The following FSD1L variants were observed in gnomAD, a reference collection of about 807,000 sequenced individuals.
FSD1L encodes the protein fibronectin type III and SPRY domain containing 1 like.
Under a neutral mutation model 71.6 loss-of-function variants are expected in FSD1L, and 45 were observed. The observed-to-expected ratio is 0.63, with a 90% CI of 0.49 to 0.81. The LOEUF is 0.81. FSD1L is among the 30% of genes least tolerant of loss of function. The pLI is 0.00. For synonymous variants in FSD1L, 197 were observed against 207.2 expected (o/e 0.95, Z 0.42); for missense variants, 561 against 618.1 (o/e 0.91, Z 0.98).
At chr9:105,459,186 C>T (rs1830539421) in intron 1 of FSD1L, among the ~76,000 whole-genome samples, 1 of 152,208 alleles carries the variant, frequency 6.6e-6, no homozygotes, top group African/African-American at 2.4e-5. Flanking sequence ...CTTTATGTCA[C>T]ATATGCAAGC....
chr9:105,504,468 G>A (rs1564120935), intron 7 of FSD1L, among the ~76,000 whole-genome samples: 1 of 152,040 alleles, frequency 6.6e-6, no homozygotes, highest in Non-Finnish European at 1.5e-5. Flanking sequence ...TTTCCATCTT[G>A]GTGTTATTTT....
At chr9:105,481,141 C>CTGTGTG (rs376069658) in intron 6 of FSD1L, among the ~76,000 whole-genome samples, 5,366 of 81,476 alleles carry the variant, frequency 0.066, 347 homozygotes, top group African/African-American at 0.098. Context: ...CAGGCAAACT[C>CTGTGTG]TGTGTGTGTG....
chr9:105,546,507 C>G lies in FSD1L; in HGVS notation c.*24C>G. On this transcript the variant is annotated 3_prime_UTR_variant, in exon 14 of 14. Transcript: ENST00000481272. Reference sequence around the variant, plus strand: ...AGTGTCTACTCAGAATACGTTTACCCTCCGTCTTGATTAGGTGGCCTTTTC... The same window carrying G: ...AGTGTCTACTCAGAATACGTTTACCGTCCGTCTTGATTAGGTGGCCTTTTC... 1 of 1,510,314 alleles carries G rather than the reference C, an allele frequency of 6.6e-7. No individual in the cohort carries two copies. The highest frequency in any genetic ancestry group is 8.8e-7 in the Non-Finnish European group (1 of 1,130,126). 93.6% of individuals were successfully genotyped at this position (1,510,314 alleles called of 1,614,324 possible).
In FSD1L at chr9:105,506,603, T is replaced by A; in HGVS notation, c.791T>A (p.Leu264Gln). Residue 264 changes from leucine to glutamine, a missense_variant, in exon 8 of 14, where the codon CTA (leucine) becomes CAA (glutamine). Around this residue, in one of 3 missense-constraint regions of FSD1L, gnomAD observed 410 missense variants for 413.5 expected, o/e 0.99. Transcript: ENST00000481272. ...IDNIKGTEYT[L>Q]SGLKFDSKYM... is the part of the protein sequence containing the mutation. ...AATATTAAGGGTACTGAATATACACTATCAGGTAACATGACTGCATTTTAG... is the reference window on the plus strand; with the variant it reads ...AATATTAAGGGTACTGAATATACACAATCAGGTAACATGACTGCATTTTAG... 1 of 1,534,588 alleles carries A rather than the reference T, an allele frequency of 6.5e-7. No individual in the cohort carries two copies. Among genetic ancestry groups the A allele is most frequent in the Non-Finnish European group, 8.8e-7 (1 of 1,131,684 alleles).
chr9:105,485,765 T>C (rs193148091), intron 7 of FSD1L, among the ~76,000 whole-genome samples: 1,739 of 151,868 alleles, frequency 0.011, 50 homozygotes, highest in African/African-American at 0.04. Context: ...TGCCTCAGCC[T>C]CCCAAGTAGC....
chr9:105,498,444 C>G (rs1833560300), intron 7 of FSD1L, among the ~76,000 whole-genome samples: 1 of 151,890 alleles, frequency 6.6e-6, no homozygotes, highest in Admixed American at 6.6e-5. Flanking sequence ...AGGCTACAAA[C>G]CTGTACAGCA....
In FSD1L at chr9:105,508,709, A is replaced by T; in HGVS notation, c.889A>T (p.Thr297Ser). The part of the protein sequence containing the change: ...GEYSDPVTLE[T>S]KALNFNLDNS... ...GTATTCTGATCCAGTGACTCTAGAG[A>T]CCAAAGGTGAGATCAGTAGCTCTTT... The change falls in exon 9 of 14, where the codon ACC (threonine) becomes TCC (serine). Residue 297 changes from threonine (T) to serine (S), a missense_variant. By Grantham distance (58) the Thr-to-Ser change is moderately conservative. Coordinates refer to ENST00000481272, the MANE Select transcript of FSD1L (RefSeq NM_001145313.3). 6.5e-7 allele frequency: 1 copy of T among 1,536,174 alleles called. No homozygotes were observed. The highest frequency in any genetic ancestry group is 2.0e-5 in the Admixed American group (1 of 50,876).
At position 105,448,105 on chromosome 9, in the gene FSD1L, G is replaced by T. The variant is rs376273197; in HGVS notation, c.-116G>T. 1.1e-5 allele frequency: 13 copies of T among 1,174,208 alleles called. No homozygotes were observed. Among genetic ancestry groups the T allele is most frequent in the South Asian group, 5.3e-5 (4 of 75,830 alleles). The allele number at this position is 1,174,208 out of a possible 1,614,324, so 72.7% of individuals were successfully genotyped here. On this transcript the variant is annotated 5_prime_UTR_variant, in exon 1 of 14. Coordinates refer to ENST00000481272, the MANE Select transcript of FSD1L (RefSeq NM_001145313.3). ...GCGCGGACGGGTGGGGCCGGGCGGT[G>T]CCGGTGCGGGCTGGGGCAGTGCAGT...
intron 7 of FSD1L, among the ~76,000 whole-genome samples, chr9:105,498,425 A>G (rs891574855): frequency 8.5e-5 from 13 of 152,130 alleles, no homozygotes; most frequent in African/African-American, 3.1e-4. Flanking sequence ...TATATAGCAG[A>G]TTGTTCCTAG....
At chr9:105,481,066 C>T (rs562492487) in intron 6 of FSD1L, among the ~76,000 whole-genome samples, 96 of 146,972 alleles carry the variant, frequency 6.5e-4, no homozygotes, top group Non-Finnish European at 1.2e-3. Context: ...GGGTTTTTTG[C>T]GTCTTCTAAG....
chr9:105,444,980 G>C (rs1029769074), upstream of FSD1L, among the ~76,000 whole-genome samples: 4 of 152,180 alleles, frequency 2.6e-5, no homozygotes, highest in Non-Finnish European at 5.9e-5. Flanking sequence ...GATTCAGCTG[G>C]TCCAGGGATC....
intron 1 of FSD1L, among the ~76,000 whole-genome samples, chr9:105,459,473 A>G (rs1306817857): frequency 6.6e-6 from 1 of 152,216 alleles, no homozygotes; most frequent in Non-Finnish European, 1.5e-5. Context: ...GCCTTGGATT[A>G]CAGTCTTTTT....
intron 6 of FSD1L, among the ~76,000 whole-genome samples, chr9:105,482,130 A>G (rs532142780): frequency 6.6e-6 from 1 of 152,320 alleles, no homozygotes; most frequent in African/African-American, 2.4e-5. Flanking sequence ...TGTGTAACAT[A>G]TCTGAGCAAG....
chr9:105,455,486 T>C (rs1255616939), intron 1 of FSD1L, among the ~76,000 whole-genome samples: 1 of 152,076 alleles, frequency 6.6e-6, no homozygotes, highest in Admixed American at 6.6e-5. Flanking sequence ...TTGGGCATTT[T>C]CCAGGAATGT....
rs536805378 is a variant in FSD1L at position 105,532,973 on chromosome 9, T to C, written c.1026-1520T>C. 1.2e-4 allele frequency among the ~76,000 whole-genome samples: 19 copies of C among 152,348 alleles called. No individual in the cohort carries two copies. The South Asian group carries it at 3.9e-3, about 32-fold the overall frequency. ...TGAAATGAATCATATGAAATGACTT[T>C]AAGTTTTATCTGTATTCTTGCTTTG... On this transcript the variant is annotated intron_variant, in intron 10 of 13. Transcript: ENST00000481272.
chr9:105,481,087 G>C (rs1832143300), intron 6 of FSD1L, among the ~76,000 whole-genome samples: 1 of 143,264 alleles, frequency 7.0e-6, no homozygotes, highest in African/African-American at 2.6e-5. Context: ...CCAGCCTCTT[G>C]GCTTGATTTC....
intron 10 of FSD1L, among the ~76,000 whole-genome samples, chr9:105,531,405 GCT>G (rs1022544909): frequency 1.1e-4 from 17 of 152,010 alleles, no homozygotes; most frequent in African/African-American, 3.9e-4. Context: ...GACTTTCTTT[GCT>G]CTGTTTCTTA....
intron 3 of FSD1L, among the ~76,000 whole-genome samples, chr9:105,465,059 G>T (rs1281941903): frequency 6.6e-6 from 1 of 152,110 alleles, no homozygotes; most frequent in African/African-American, 2.4e-5. Flanking sequence ...AAGGTAAAGT[G>T]CCCATTGAGA....
intron 1 of FSD1L, among the ~76,000 whole-genome samples, chr9:105,459,261 C>G (rs1345260444): frequency 6.6e-6 from 1 of 152,170 alleles, no homozygotes; most frequent in Non-Finnish European, 1.5e-5. Context: ...TGTTTTGGTG[C>G]TGTGGTGGTA....
Sources: gnomAD v4.1 joint callset for allele counts (sites outside exome capture counted in the v4.1 genomes callset) on GRCh38, gnomAD v4.1.1 for gene constraint, gnomAD v4.1.1 regional missense constraint, MANE v1.5 for transcripts, NCBI Gene and HGNC (gene_info 2026-07-23, HGNC 2026-07-21) for gene names.